Variants in UGT1A5 observed in about 807,000 individuals in gnomAD.
UGT1A5 encodes the protein UDP-glucuronosyltransferase 1A5.
Under a neutral mutation model 40.3 loss-of-function variants are expected in UGT1A5, and 29 were observed. The ratio of observed to expected loss-of-function variants is 0.72; its 90% CI spans 0.54 to 0.98. The LOEUF (loss-of-function observed/expected upper bound fraction) is 0.98. UGT1A5 is among the 50% of genes least tolerant of loss of function. The pLI is 0.00. For synonymous variants in UGT1A5, 257 were observed against 262.5 expected (o/e 0.98, Z 0.20); for missense variants, 678 against 677.9 (o/e 1.00, Z 0.00).
At chr2:233,754,978 C>T (rs1695669392) in intron 1 of UGT1A5, 1 of 1,298,496 alleles carries the variant, frequency 7.7e-7, no homozygotes, top group South Asian at 1.2e-5. Flanking sequence ...CTGAAGACCT[C>T]GGCGGGGTCA....
rs35129844 is a variant in UGT1A5 at position 233,767,814 on chromosome 2, C to A, written c.1000-35C>A. Reference sequence around the variant, plus strand: ...ATTTGTTTTCTAATCATATTATGTTCTTTCTTTACGTTCTGCTCTTTTTGC... The same window carrying A: ...ATTTGTTTTCTAATCATATTATGTTATTTCTTTACGTTCTGCTCTTTTTGC... On this transcript the variant is annotated intron_variant, in intron 2 of 4. Coordinates refer to ENST00000373414, the MANE Select transcript of UGT1A5 (RefSeq NM_019078.2). The A allele has an allele frequency of 5.0e-6, 8 of 1,613,992 alleles. No homozygotes were observed. In the African/African-American group the frequency reaches 6.7e-5, roughly 13 times the overall value.
intron 1 of UGT1A5, chr2:233,747,733 G>C (rs1192410134): frequency 9.3e-6 from 15 of 1,613,078 alleles, no homozygotes; most frequent in Middle Eastern, 3.3e-4. Flanking sequence ...TTTTTTTTGA[G>C]GAACATTCCA....
intron 2 of UGT1A5, 81 bp from the exon 3 acceptor site, chr2:233,767,768 G>A (rs1166342197): frequency 1.9e-5 from 30 of 1,610,020 alleles, no homozygotes; most frequent in Non-Finnish European, 2.5e-5. Flanking sequence ...GAGGACCCCT[G>A]TTTTCTAGTT....
In UGT1A5 at chr2:233,767,858, C is replaced by T. The variant is rs139607673; in HGVS notation, c.1009C>T (p.Arg337Trp). 6.2e-6 allele frequency: 10 copies of T among 1,614,002 alleles called. No homozygotes were observed. Among genetic ancestry groups the T allele is most frequent in the Admixed American group, 3.3e-5 (2 of 59,992 alleles). ...TTTTTGCCCCTCCCAGGTCCTGTGG[C>T]GGTACACTGGAACCCGACCATCGAA... ...LGKIPQTVLWRYTGTRPSNLA... is the reference protein window; with the variant it reads ...LGKIPQTVLWWYTGTRPSNLA... The change falls in exon 3 of 5, where the codon CGG (arginine) becomes TGG (tryptophan). Residue 337 changes from arginine to tryptophan, a missense_variant. Transcript: ENST00000373414.
intron 1 of UGT1A5, among the ~76,000 whole-genome samples, chr2:233,715,929 T>C (rs1446549427): frequency 1.3e-5 from 2 of 152,168 alleles, no homozygotes; most frequent in Non-Finnish European, 2.9e-5. Context: ...CTCAGGAGTT[T>C]CAGCTCTTGT....
At position 233,744,394 on chromosome 2, in the gene UGT1A5, G is replaced by A. The variant is rs528448877; in HGVS notation, c.868-22640G>A. On this transcript the variant is annotated intron_variant, in intron 1 of 4. Coordinates refer to ENST00000373414, the MANE Select transcript of UGT1A5 (RefSeq NM_019078.2). ...TGCAGTTCTCCAACGTTCCAGCCCC[G>A]GTGCCCATTTGCTTTTGTTCATGTG... is the stretch of plus-strand genomic sequence containing the variant. 5.9e-5 allele frequency among the ~76,000 whole-genome samples: 9 copies of A among 151,928 alleles called. No homozygotes were observed. The South Asian group carries it at 6.2e-4, about 11-fold the overall frequency.
intron 4 of UGT1A5, chr2:233,771,165 A>T (rs927521180): frequency 6.6e-6 from 1 of 152,234 alleles, no homozygotes; most frequent in African/African-American, 2.4e-5. Context: ...CATCTCCAGC[A>T]CTGGGGATTA....
At chr2:233,714,498 TA>T (rs1254150300) in intron 1 of UGT1A5, among the ~76,000 whole-genome samples, 1 of 152,156 alleles carries the variant, frequency 6.6e-6, no homozygotes, top group Non-Finnish European at 1.5e-5. Flanking sequence ...AGACACTACT[TA>T]AAAAAAATTC....
intron 2 of UGT1A5, 76 bp from the exon 3 acceptor site, chr2:233,767,773 C>G: frequency 6.2e-7 from 1 of 1,611,908 alleles, no homozygotes; most frequent in Admixed American, 1.7e-5. Flanking sequence ...CCCCTGTTTT[C>G]TAGTTAGTAT....
At chr2:233,728,904 C>T (rs1575577301) in intron 1 of UGT1A5, among the ~76,000 whole-genome samples, 3 of 150,724 alleles carry the variant, frequency 2.0e-5, no homozygotes, top group South Asian at 4.1e-4. Flanking sequence ...CAGGGTCAGA[C>T]GTGTTTTTCA....
chr2:233,770,282 A>G (rs1416601751), intron 4 of UGT1A5: 1 of 152,218 alleles, frequency 6.6e-6, no homozygotes, highest in Admixed American at 6.5e-5. Context: ...CAAAATAAAA[A>G]GAAGTGGAAA....
At chr2:233,738,284 C>T (rs1690749854) in intron 1 of UGT1A5, among the ~76,000 whole-genome samples, 1 of 152,160 alleles carries the variant, frequency 6.6e-6, no homozygotes, top group Non-Finnish European at 1.5e-5. Context: ...TTATAAATTA[C>T]CCAGTCTTGG....
In UGT1A5 at chr2:233,769,317, C is replaced by T. The variant is rs1699835455; in HGVS notation, c.1307+878C>T. On this transcript the variant is annotated intron_variant, in intron 4 of 4. Transcript: ENST00000373414. The surrounding 1 kb of genome is among the most constrained non-coding windows in gnomAD (Gnocchi z 4.4). ...AGTTAGTATATTACTGTCAAGCTCA[C>T]TGGTAATAGGCTTATTAGAACCTTA... is the stretch of plus-strand genomic sequence containing the variant. Among the ~76,000 whole-genome samples, 1 of 152,214 alleles carries T rather than the reference C, an allele frequency of 6.6e-6. No individual in the cohort carries two copies. The highest frequency in any genetic ancestry group is 1.5e-5 in the Non-Finnish European group (1 of 68,028).
In UGT1A5 at chr2:233,768,276, A is replaced by T. The variant is rs771550944; in HGVS notation, c.1144A>T (p.Ser382Cys). The T allele has an allele frequency of 3.1e-6, 5 of 1,614,024 alleles. No homozygotes were observed. In the African/African-American group the frequency reaches 6.7e-5, roughly 22 times the overall value. Residue 382 changes from serine (S) to cysteine (C), a missense_variant, in exon 4 of 5, where the codon AGC becomes TGC. Coordinates refer to ENST00000373414, the MANE Select transcript of UGT1A5 (RefSeq NM_019078.2). ...TGCTGGTTCCCATGGTGTTTATGAA[A>T]GCATATGCAATGGCGTTCCCATGGT... ...THAGSHGVYE[S>C]ICNGVPMVMM... is the part of the protein sequence containing the mutation.
intron 1 of UGT1A5, among the ~76,000 whole-genome samples, chr2:233,749,475 A>G (rs1280594340): frequency 1.3e-5 from 2 of 151,882 alleles, no homozygotes; most frequent in Non-Finnish European, 2.9e-5. Flanking sequence ...TGTGGCACAG[A>G]TCACTCTTGC....
chr2:233,729,276 G>T (rs765243640), intron 1 of UGT1A5: 1 of 1,614,232 alleles, frequency 6.2e-7, no homozygotes, highest in Non-Finnish European at 8.5e-7. Flanking sequence ...TCTTGCGGGA[G>T]CTCCATGCCA....
In UGT1A5 at chr2:233,769,617, A is replaced by AG; in HGVS notation, c.1307+1179dup. 6.2e-7 allele frequency: 1 copy of AG among 1,612,702 alleles called. No individual in the cohort carries two copies. The highest frequency in any genetic ancestry group is 2.2e-5 in the East Asian group (1 of 44,882). On this transcript the variant is annotated intron_variant, in intron 4 of 4. Coordinates refer to ENST00000373414, the MANE Select transcript of UGT1A5 (RefSeq NM_019078.2). The surrounding 1 kb of genome is among the most constrained non-coding windows in gnomAD (Gnocchi z 4.4). ...CGGAACACGGGGACACACCAGCTTG[A>AG]GCAAGGGACAACAGGGGAGGACTGA...
intron 1 of UGT1A5, chr2:233,719,529 G>A (rs2076777765): frequency 6.2e-7 from 1 of 1,613,836 alleles, no homozygotes; most frequent in South Asian, 1.1e-5. Context: ...TCTTGCCTCT[G>A]AGCTTTTTCA....
At chr2:233,759,117 T>G (rs1697059369) in intron 1 of UGT1A5, among the ~76,000 whole-genome samples, 2 of 152,238 alleles carry the variant, frequency 1.3e-5, no homozygotes, top group African/African-American at 4.8e-5. Flanking sequence ...ACCAGGGAGT[T>G]ACAGCCTCTG....
Sources: allele counts gnomAD v4.1 joint callset (sites outside exome capture counted in the v4.1 genomes callset), GRCh38; gene constraint gnomAD v4.1.1; non-coding constraint Gnocchi (gnomAD v3.1); transcripts MANE v1.5; gene names NCBI Gene and HGNC (gene_info 2026-07-23, HGNC 2026-07-21).